The following GLB1L3 variants were observed in gnomAD, a reference collection of about 807,000 sequenced individuals.
The protein encoded by GLB1L3 is galactosidase beta 1 like 3, also known as beta-galactosidase-1-like protein 3.
A neutral mutation model predicts 89.5 loss-of-function variants in GLB1L3; 89 were observed. The ratio of observed to expected loss-of-function variants is 0.99; its 90% CI spans 0.84 to 1.19. The LOEUF is 1.19. Among genes scored for constraint, GLB1L3 ranks in the 50% most tolerant of loss-of-function variants. The probability of loss-of-function intolerance (pLI) is 0.00; values close to 1 mark genes in which losing one functional copy is unlikely to be tolerated. For missense variants in GLB1L3, 812 were observed against 813.3 expected, an observed-to-expected ratio of 1.00 and a Z score of 0.02; for synonymous variants, 314 against 312.3, an observed-to-expected ratio of 1.01 and a Z score of -0.06.
At position 134,307,169 on chromosome 11, in the gene GLB1L3, G is replaced by C; in HGVS notation, c.922G>C (p.Asp308His). Residue 308 changes from aspartate to histidine, a missense_variant, in exon 10 of 20, where the codon GAC becomes CAC. Transcript: ENST00000431683. ...LIMEYWVGWFDRWGDKHHVKD... is the reference protein window; with the variant it reads ...LIMEYWVGWFHRWGDKHHVKD... The stretch of plus-strand genomic sequence containing the variant: ...TATGGAATACTGGGTCGGCTGGTTC[G>C]ACAGATGGGGAGATAAGCACCATGT... 9 of 1,613,604 alleles carry C rather than the reference G, an allele frequency of 5.6e-6. No individual in the cohort carries two copies. Among genetic ancestry groups the C allele is most frequent in the Non-Finnish European group, 7.6e-6 (9 of 1,179,688 alleles).
intron 10 of GLB1L3, among the ~76,000 whole-genome samples, chr11:134,308,498 A>ACC (rs1565414080): frequency 8.8e-4 from 5 of 5,688 alleles, no homozygotes; most frequent in African/African-American, 3.6e-3. Flanking sequence ...ATCACCACCA[A>ACC]ATACCACCAC....
intron 5 of GLB1L3, among the ~76,000 whole-genome samples, chr11:134,282,483 G>A (rs1940756653): frequency 1.3e-5 from 2 of 152,176 alleles, no homozygotes; most frequent in African/African-American, 4.8e-5. Context: ...AAAATGCCCT[G>A]GGAAGAAAGG....
At chr11:134,325,150 T>C in the GLB1L3 span, among the ~76,000 whole-genome samples, 2 of 152,204 alleles carry the variant, frequency 1.3e-5, no homozygotes, top group Admixed American at 6.5e-5. Flanking sequence ...GTTTTTATAA[T>C]AATCAGTAAT....
chr11:134,322,447 T>G (rs1038308100), downstream of GLB1L3, among the ~76,000 whole-genome samples: 1 of 152,226 alleles, frequency 6.6e-6, no homozygotes, highest in African/African-American at 2.4e-5. Flanking sequence ...TAAACTCTTT[T>G]AAAGTCTACA....
At chr11:134,293,105 T>C (rs1172802840) in intron 8 of GLB1L3, 40 bp from the exon 9 acceptor site, 1 of 1,578,250 alleles carries the variant, frequency 6.3e-7, no homozygotes, top group Admixed American at 1.7e-5. Context: ...TGACAGCACT[T>C]GTCTCATGCC....
rs3824995 is a variant in GLB1L3 at position 134,288,851 on chromosome 11, A to C, written c.690A>C (p.Ser230=). Residue 230 remains serine (S), a synonymous_variant, in exon 7 of 20, where the codon TCA becomes TCC. Coordinates refer to ENST00000431683, the MANE Select transcript of GLB1L3 (RefSeq NM_001080407.3). ...TGCAAGTGGAGAATGAGTATGGCTCATTCAATAAGGATAAAACATACATGC... is the reference window on the plus strand; with the variant it reads ...TGCAAGTGGAGAATGAGTATGGCTCCTTCAATAAGGATAAAACATACATGC... ...IAVQVENEYG[S]FNKDKTYMPY... is the part of the protein sequence containing the mutation. The C allele has an allele frequency of 1.9e-6, 3 of 1,612,706 alleles. No individual in the cohort carries two copies. Among genetic ancestry groups the C allele is most frequent in the East Asian group, 2.2e-5 (1 of 44,786 alleles).
chr11:134,281,977 C>G lies in GLB1L3; in HGVS notation c.432-48C>G. 4.2e-6 allele frequency: 6 copies of G among 1,428,764 alleles called. No homozygotes were observed. The African/African-American group carries it at 4.5e-5, about 11-fold the overall frequency. 88.5% of individuals were successfully genotyped at this position (1,428,764 alleles called of 1,614,324 possible). On this transcript the variant is annotated intron_variant, in intron 4 of 19. Coordinates refer to ENST00000431683, the MANE Select transcript of GLB1L3 (RefSeq NM_001080407.3). ...GTGATGCGTGTGGCCCCCACCCGGC[C>G]TCATCCTGGGCCGTCGTGGGAGGGG...
At chr11:134,322,766 A>G (rs946017132), downstream of GLB1L3, among the ~76,000 whole-genome samples, 1 of 152,236 alleles carries the variant, frequency 6.6e-6, no homozygotes, top group Admixed American at 6.5e-5. Flanking sequence ...TCATGGCTGA[A>G]TAATGTTCCA....
intron 11 of GLB1L3, 136 bp from the exon 12 acceptor site, chr11:134,310,435 C>A: frequency 1.6e-6 from 1 of 644,762 alleles, no homozygotes; most frequent in Non-Finnish European, 2.7e-6. Flanking sequence ...AGACTGGCAT[C>A]ACACACCCAC....
rs758397017 is a variant in GLB1L3 at position 134,312,826 on chromosome 11, A to T, written c.1439A>T (p.Asp480Val). 1.4e-5 allele frequency: 23 copies of T among 1,611,528 alleles called. No homozygotes were observed. Among genetic ancestry groups the T allele is most frequent in the Non-Finnish European group, 1.9e-5 (22 of 1,178,600 alleles). The change falls in exon 15 of 20, where the codon GAT becomes GTT. Residue 480 changes from aspartate to valine, a missense_variant. Asp to Val is a radical substitution (Grantham distance 152). Coordinates refer to ENST00000431683, the MANE Select transcript of GLB1L3 (RefSeq NM_001080407.3). ...HAHDVAQVFL[D>V]ETMIGILNEN... Reference sequence around the variant, plus strand: ...GCTCTTCTTTTGCAGGTGTTTTTGGATGAGACAATGATAGGGATTCTGAAT... The same window carrying T: ...GCTCTTCTTTTGCAGGTGTTTTTGGTTGAGACAATGATAGGGATTCTGAAT...
intron 9 of GLB1L3, among the ~76,000 whole-genome samples, chr11:134,298,438 C>A (rs755597040): frequency 2.6e-5 from 4 of 152,120 alleles, no homozygotes; most frequent in Non-Finnish European, 5.9e-5. Context: ...CAAATTGAAT[C>A]CAGCAATATG....
intron 4 of GLB1L3, among the ~76,000 whole-genome samples, chr11:134,281,732 G>A (rs1940699515): frequency 9.3e-6 from 1 of 107,540 alleles, no homozygotes; most frequent in African/African-American, 3.0e-5. Context: ...CCTGGGCTGG[G>A]GCAGGGCGGC....
rs1941451142 is a variant in GLB1L3 at position 134,293,130 on chromosome 11, CTCT to C, written c.812-10_812-8del. The C allele has an allele frequency of 1.9e-6, 3 of 1,612,428 alleles. No individual in the cohort carries two copies. The highest frequency in any genetic ancestry group is 3.3e-5 in the Admixed American group (2 of 59,996). ...TGTCTCATGCCTCAGCTGGGTCTCT[CTCT>C]TCTTTATGCAGTGTTGGCCGCCATC... On this transcript the variant is annotated splice_polypyrimidine_tract_variant and intron_variant, in intron 8 of 19. Coordinates refer to ENST00000431683, the MANE Select transcript of GLB1L3 (RefSeq NM_001080407.3).
At chr11:134,325,001 G>C in the GLB1L3 span, among the ~76,000 whole-genome samples, 1 of 152,054 alleles carries the variant, frequency 6.6e-6, no homozygotes. Context: ...GCTTAAAGAG[G>C]ATATCATATT....
At chr11:134,297,969 G>C (rs1941745723) in intron 9 of GLB1L3, among the ~76,000 whole-genome samples, 1 of 151,174 alleles carries the variant, frequency 6.6e-6, no homozygotes, top group African/African-American at 2.4e-5. Flanking sequence ...TACTAGGATT[G>C]TACAATAGTG....
intron 10 of GLB1L3, among the ~76,000 whole-genome samples, chr11:134,308,250 CCA>C (rs2136200306): frequency 5.3e-5 from 2 of 37,798 alleles, no homozygotes; most frequent in East Asian, 7.1e-4. Flanking sequence ...ACCATCACCA[CCA>C]TCACCACCAC....
At chr11:134,302,678 T>C (rs1244820995) in intron 9 of GLB1L3, among the ~76,000 whole-genome samples, 4 of 152,198 alleles carry the variant, frequency 2.6e-5, no homozygotes, top group African/African-American at 9.6e-5. Flanking sequence ...TAGAGTTAGA[T>C]TCATTTGTTT....
chr11:134,305,716 A>G (rs779646316), intron 9 of GLB1L3, among the ~76,000 whole-genome samples: 1 of 152,222 alleles, frequency 6.6e-6, no homozygotes, highest in Non-Finnish European at 1.5e-5. Context: ...AATTCAGGCA[A>G]CAAAATAGAG....
At chr11:134,285,219 C>T (rs1230062564) in intron 6 of GLB1L3, among the ~76,000 whole-genome samples, 7 of 151,964 alleles carry the variant, frequency 4.6e-5, no homozygotes, top group East Asian at 1.9e-4. Flanking sequence ...TGAGCCACTG[C>T]GCCCAACAGC....
Sources: gnomAD v4.1 joint callset for allele counts (sites outside exome capture counted in the v4.1 genomes callset) on GRCh38, gnomAD v4.1.1 for gene constraint, MANE v1.5 for transcripts, NCBI Gene and HGNC (gene_info 2026-07-23, HGNC 2026-07-21) for gene names.